The following PYROXD1 variants were observed in gnomAD, a reference collection of about 807,000 sequenced individuals.
The protein encoded by PYROXD1 is tRNA ligase complex-associated NAD(P)H dehydrogenase PYROXD1.
PYROXD1 carries 42 observed loss-of-function variants against 62.0 expected under a neutral mutation model. The ratio of observed to expected loss-of-function variants is 0.68; its 90% CI spans 0.53 to 0.88. PYROXD1 has a LOEUF of 0.88. Ranked by LOEUF, PYROXD1 falls within the 40% of genes least tolerant of loss-of-function variation. The pLI is 0.00. For synonymous variants in PYROXD1, 170 were observed against 206.4 expected (o/e 0.82, Z 1.51); for missense variants, 493 against 604.8 (o/e 0.82, Z 1.94).
intron 7 of PYROXD1, chr12:21,456,920 T>G (rs772370371): frequency 6.4e-5 from 29 of 451,464 alleles, no homozygotes; most frequent in East Asian, 6.3e-4. Flanking sequence ...ACTACGTTCT[T>G]TGCTCATCCA....
chr12:21,442,060 G>A (rs1309229878), intron 2 of PYROXD1, among the ~76,000 whole-genome samples: 1 of 152,190 alleles, frequency 6.6e-6, no homozygotes, highest in Non-Finnish European at 1.5e-5. Flanking sequence ...GGTTGTTGGG[G>A]TTTTCAATGT....
chr12:21,455,357 C>A, intron 6 of PYROXD1, 65 bp downstream of exon 6: 1 of 1,003,726 alleles, frequency 1.0e-6, no homozygotes, highest in South Asian at 3.6e-5. Context: ...TAGAAAAGGG[C>A]TACAAGAAAA....
chr12:21,447,541 T>A (rs547626232), intron 3 of PYROXD1: 48 of 165,640 alleles, frequency 2.9e-4, no homozygotes, highest in South Asian at 2.5e-3. Flanking sequence ...CATTGTCCTT[T>A]ACATTTTTGT....
intron 1 of PYROXD1, 55 bp downstream of exon 1, chr12:21,437,869 A>G: frequency 4.8e-6 from 7 of 1,463,548 alleles, no homozygotes; most frequent in Non-Finnish European, 6.6e-6. Context: ...AGGGGATAGC[A>G]CTGGAGGCCT....
chr12:21,457,035 A>C, intron 7 of PYROXD1: 1 of 322,508 alleles, frequency 3.1e-6, no homozygotes, highest in South Asian at 2.5e-5. Context: ...TATTTCCACC[A>C]TATCTGCCTT....
At chr12:21,443,419 G>A (rs1019893407) in intron 2 of PYROXD1, among the ~76,000 whole-genome samples, 1 of 152,100 alleles carries the variant, frequency 6.6e-6, no homozygotes. Context: ...GATAATTAGT[G>A]TCTCAGAATA....
intron 5 of PYROXD1, chr12:21,454,904 G>T: frequency 6.5e-6 from 2 of 306,164 alleles, no homozygotes; most frequent in South Asian, 1.4e-4. Context: ...ACATGTATTT[G>T]TCACTTAAAG....
intron 3 of PYROXD1, among the ~76,000 whole-genome samples, chr12:21,448,497 G>T (rs1309574702): frequency 6.6e-6 from 1 of 152,124 alleles, no homozygotes; most frequent in East Asian, 1.9e-4. Flanking sequence ...ATTAACTTTT[G>T]TTCTTGTCAG....
chr12:21,459,185 T>TG (rs1168965199), intron 7 of PYROXD1, among the ~76,000 whole-genome samples: 2 of 152,108 alleles, frequency 1.3e-5, no homozygotes, highest in African/African-American at 4.8e-5. Context: ...TGATTAGAGT[T>TG]TAGACTTTCC....
intron 7 of PYROXD1, among the ~76,000 whole-genome samples, chr12:21,460,478 C>A (rs1942676069): frequency 6.7e-6 from 1 of 149,886 alleles, no homozygotes; most frequent in Admixed American, 6.7e-5. Context: ...AGCTGGAGTG[C>A]TGTGGTATGA....
chr12:21,460,768 G>A (rs1401923479), intron 7 of PYROXD1: 1 of 234,614 alleles, frequency 4.3e-6, no homozygotes, highest in East Asian at 8.4e-5. Flanking sequence ...TATCAATGAG[G>A]CCTAGGCTAA....
chr12:21,470,487 C>T lies in PYROXD1; in HGVS notation c.*1733C>T. 9.7e-7 allele frequency: 1 copy of T among 1,027,294 alleles called. No individual in the cohort carries two copies. The highest frequency in any genetic ancestry group is 2.8e-5 in the East Asian group (1 of 35,366). 63.6% of individuals were successfully genotyped at this position (1,027,294 alleles called of 1,614,324 possible). On this transcript the variant is annotated 3_prime_UTR_variant, in exon 12 of 12. Coordinates refer to ENST00000240651, the MANE Select transcript of PYROXD1 (RefSeq NM_024854.5). ...ATACAGGGGTCTAGTTTTTTATCTA[C>T]AAATTTCTATTCAAATATGAGCTCT...
chr12:21,469,662 T>C lies in PYROXD1; in HGVS notation c.*908T>C, dbSNP rs1942882173. On this transcript the variant is annotated 3_prime_UTR_variant, in exon 12 of 12. Transcript: ENST00000240651. ...TATTTTACATTTTTTGTAAACTTTC[T>C]TAAAACATGAGATTTTTCTTGCAAT... is the stretch of plus-strand genomic sequence containing the variant. 6.6e-6 allele frequency: 1 copy of C among 150,668 alleles called. No individual in the cohort carries two copies. The highest frequency in any genetic ancestry group is 1.5e-5 in the Non-Finnish European group (1 of 67,772). 9.3% of individuals were successfully genotyped at this position (150,668 alleles called of 1,614,324 possible).
intron 9 of PYROXD1, 150 bp downstream of exon 9, chr12:21,462,270 T>C: frequency 1.7e-6 from 1 of 593,136 alleles, no homozygotes; most frequent in Non-Finnish European, 3.0e-6. Context: ...TGTCTTGATT[T>C]ACAGTATTTT....
At chr12:21,466,598 T>C (rs1025357228) in intron 10 of PYROXD1, among the ~76,000 whole-genome samples, 2 of 152,226 alleles carry the variant, frequency 1.3e-5, no homozygotes, top group African/African-American at 4.8e-5. Context: ...TACAATCATG[T>C]CATCTGCAAA....
chr12:21,446,977 A>G (rs1215938042), intron 3 of PYROXD1, among the ~76,000 whole-genome samples: 3 of 152,196 alleles, frequency 2.0e-5, no homozygotes, highest in South Asian at 2.1e-4. Context: ...CTGAACTGAG[A>G]CAGGGACAAT....
At chr12:21,443,592 G>A (rs1286443578) in intron 2 of PYROXD1, among the ~76,000 whole-genome samples, 1 of 152,074 alleles carries the variant, frequency 6.6e-6, no homozygotes, top group Non-Finnish European at 1.5e-5. Context: ...TAAGTTATGT[G>A]TATGAGCTAC....
chr12:21,466,974 A>C (rs1173983315), intron 10 of PYROXD1, among the ~76,000 whole-genome samples: 1 of 152,206 alleles, frequency 6.6e-6, no homozygotes, highest in Non-Finnish European at 1.5e-5. Context: ...CATGCAAAAC[A>C]ATTTAAATGA....
intron 5 of PYROXD1, chr12:21,454,805 C>T (rs1056602377): frequency 1.8e-5 from 3 of 163,842 alleles, no homozygotes; most frequent in South Asian, 2.0e-4. Context: ...CTGCTTACCC[C>T]TGGGGGCCAT....
Sources: allele counts gnomAD v4.1 joint callset (sites outside exome capture counted in the v4.1 genomes callset), GRCh38; gene constraint gnomAD v4.1.1; transcripts MANE v1.5; gene names NCBI Gene and HGNC (gene_info 2026-07-23, HGNC 2026-07-21).